Variants in VPS26C observed in about 807,000 individuals in gnomAD.
VPS26C encodes VPS26 endosomal protein sorting factor C.
A neutral mutation model predicts 30.6 loss-of-function variants in VPS26C; 19 were observed. That is an observed-to-expected ratio of 0.62 (90% CI 0.43 to 0.91). VPS26C has a LOEUF of 0.91. Among genes scored for constraint, VPS26C ranks in the 40% least tolerant of loss-of-function variants. VPS26C has a pLI of 0.00. For missense variants in VPS26C, 318 were observed against 385.1 expected, an observed-to-expected ratio of 0.83 and a Z score of 1.46; for synonymous variants, 132 against 151.5, an observed-to-expected ratio of 0.87 and a Z score of 0.95.
At chr21:37,252,084 A>G (rs2086199421) in intron 1 of VPS26C, among the ~76,000 whole-genome samples, 1 of 152,226 alleles carries the variant, frequency 6.6e-6, no homozygotes, top group African/African-American at 2.4e-5. Flanking sequence ...TTTGGTCTAA[A>G]GATCCGGTAC....
intron 1 of VPS26C, among the ~76,000 whole-genome samples, chr21:37,260,119 A>G (rs1031593282): frequency 1.3e-5 from 2 of 152,200 alleles, no homozygotes; most frequent in Non-Finnish European, 2.9e-5. Context: ...AATATTTGCT[A>G]TCATCAGTCC....
At chr21:37,238,988 C>G (rs1018943589) in intron 2 of VPS26C, among the ~76,000 whole-genome samples, 4 of 152,164 alleles carry the variant, frequency 2.6e-5, no homozygotes, top group Admixed American at 6.5e-5. Context: ...ACGGCTCCCC[C>G]TCACCGAGCC....
chr21:37,230,481 T>C (rs981549786), intron 5 of VPS26C: 1 of 152,262 alleles, frequency 6.6e-6, no homozygotes, highest in Admixed American at 6.5e-5. Context: ...ACATCTCTTT[T>C]CTACTTAAAA....
chr21:37,255,917 C>T (rs2086238672), intron 1 of VPS26C, among the ~76,000 whole-genome samples: 1 of 141,586 alleles, frequency 7.1e-6, no homozygotes, highest in Non-Finnish European at 1.5e-5. Context: ...CTCACTATAA[C>T]CTCCGCCTCC....
rs1470949241 is a variant in VPS26C, at chr21:37,267,300, A to C, written c.-6T>G. ...ATGTCCAGGGCGGTCCCCATCTCCA[A>C]TTCTCCGCAGCAGCCGCCACTTCCG... On this transcript the variant is annotated 5_prime_UTR_variant, in exon 1 of 8. Transcript: ENST00000309117. 3 of 1,609,252 alleles carry C rather than the reference A, an allele frequency of 1.9e-6. No homozygotes were observed. The highest frequency in any genetic ancestry group is 2.5e-6 in the Non-Finnish European group (3 of 1,177,628).
chr21:37,253,086 G>A (rs2086209776), intron 1 of VPS26C, among the ~76,000 whole-genome samples: 1 of 152,102 alleles, frequency 6.6e-6, no homozygotes, highest in African/African-American at 2.4e-5. Flanking sequence ...TTACTTTCTG[G>A]ACAATTGAGT....
At chr21:37,266,859 G>C (rs1000884404) in intron 1 of VPS26C, 3 of 337,720 alleles carry the variant, frequency 8.9e-6, no homozygotes, top group Non-Finnish European at 1.6e-5. Context: ...TTAGGAGAGA[G>C]GGAAAGGGGA....
At chr21:37,267,395 CT>C, upstream of VPS26C, 1 of 1,081,636 alleles carries the variant, frequency 9.2e-7, no homozygotes, top group South Asian at 1.4e-5. Context: ...CTTTCCCTCT[CT>C]GCCGGCAGTG....
chr21:37,247,495 T>C (rs1220818226), intron 1 of VPS26C, among the ~76,000 whole-genome samples: 1 of 151,912 alleles, frequency 6.6e-6, no homozygotes, highest in Non-Finnish European at 1.5e-5. Context: ...GACTAGAAAA[T>C]CATACAAACA....
chr21:37,246,536 G>A (rs887630197), intron 1 of VPS26C, among the ~76,000 whole-genome samples: 1 of 152,106 alleles, frequency 6.6e-6, no homozygotes, highest in Non-Finnish European at 1.5e-5. Flanking sequence ...GAAAAACTAT[G>A]TCAAAAGAAC....
intron 1 of VPS26C, among the ~76,000 whole-genome samples, chr21:37,265,686 C>T (rs1416281945): frequency 2.0e-5 from 3 of 152,112 alleles, no homozygotes; most frequent in African/African-American, 7.2e-5. Context: ...ACAGAATGCC[C>T]TTCAATTTGG....
Position 37,233,482 on chromosome 21 carries a change from G to A in VPS26C, c.352-40C>T, listed in dbSNP as rs1354583759. 9.6e-6 allele frequency: 14 copies of A among 1,450,846 alleles called. No individual in the cohort carries two copies. The highest frequency in any genetic ancestry group is 1.4e-5 in the Non-Finnish European group (14 of 1,032,224). The allele number at this position is 1,450,846 out of a possible 1,614,324, so 89.9% of individuals were successfully genotyped here. A position where few individuals can be genotyped will look rare whatever the true frequency, so the allele number is the denominator to read the frequency against. ...TGGAGGAAAAAAGTTCATTTTAGTG[G>A]GATTTGCTTTCATCTTGGAATTATA... On this transcript the variant is annotated intron_variant, in intron 3 of 7. Transcript: ENST00000309117. This position sits in a 1 kb window ranked among gnomAD's most constrained non-coding sequence, Gnocchi z 5.2.
At chr21:37,256,443 T>G (rs192542970) in intron 1 of VPS26C, among the ~76,000 whole-genome samples, 1 of 152,366 alleles carries the variant, frequency 6.6e-6, no homozygotes, top group East Asian at 1.9e-4. Context: ...AAAATTGACA[T>G]TAGAATTTTA....
At chr21:37,247,162 C>T (rs2086145722) in intron 1 of VPS26C, among the ~76,000 whole-genome samples, 1 of 152,190 alleles carries the variant, frequency 6.6e-6, no homozygotes, top group Admixed American at 6.5e-5. Context: ...AATAGCCACA[C>T]TATGGCCAGT....
rs773028445 is a variant in VPS26C, at chr21:37,233,335, G to A, written c.432+27C>T. 41 of 1,589,538 alleles carry A rather than the reference G, an allele frequency of 2.6e-5. No homozygotes were observed. The highest frequency in any genetic ancestry group is 3.4e-5 in the Non-Finnish European group (39 of 1,157,734). On this transcript the variant is annotated intron_variant, in intron 4 of 7. Transcript: ENST00000309117. The surrounding 1 kb of genome is among the most constrained non-coding windows in gnomAD (Gnocchi z 5.2). Reference sequence around the variant, plus strand: ...CCCCATGGGAGATTCCTATCATTAAGCACCAGAGTCCCCGAGTGAAGCTTA... The same window carrying A: ...CCCCATGGGAGATTCCTATCATTAAACACCAGAGTCCCCGAGTGAAGCTTA...
chr21:37,248,637 CAGG>C (rs1016841812), intron 1 of VPS26C, among the ~76,000 whole-genome samples: 10 of 150,976 alleles, frequency 6.6e-5, no homozygotes, highest in African/African-American at 2.4e-4. Context: ...GACAGCTTCA[CAGG>C]AGATCATTCC....
chr21:37,238,901 C>T (rs1400566239), intron 2 of VPS26C, among the ~76,000 whole-genome samples: 3 of 152,312 alleles, frequency 2.0e-5, no homozygotes, highest in Middle Eastern at 3.4e-3. Context: ...ACTGTTTTAA[C>T]GACCCCGATC....
intron 1 of VPS26C, among the ~76,000 whole-genome samples, chr21:37,256,592 T>C (rs1243445424): frequency 1.3e-5 from 2 of 152,198 alleles, no homozygotes; most frequent in Non-Finnish European, 2.9e-5. Context: ...CTATTTTCTA[T>C]CACCTTGGAA....
intron 1 of VPS26C, among the ~76,000 whole-genome samples, chr21:37,258,611 G>C (rs1330263117): frequency 3.9e-5 from 6 of 152,140 alleles, no homozygotes; most frequent in Non-Finnish European, 7.4e-5. Context: ...GGGCCTAAGA[G>C]AGGGCATGGC....
Sources: allele counts gnomAD v4.1 joint callset (sites outside exome capture counted in the v4.1 genomes callset), GRCh38; gene constraint gnomAD v4.1.1; non-coding constraint Gnocchi (gnomAD v3.1); transcripts MANE v1.5; gene names NCBI Gene and HGNC (gene_info 2026-07-23, HGNC 2026-07-21).